DOCK6: variants seen among roughly 807,000 people sequenced by gnomAD.
The protein encoded by DOCK6 is dedicator of cytokinesis 6.
In DOCK6, 167 loss-of-function variants were observed where a neutral mutation model predicts 230.3. The observed-to-expected ratio is 0.73, with a 90% CI of 0.64 to 0.82. The LOEUF (loss-of-function observed/expected upper bound fraction) is 0.82, where lower values mean the gene tolerates loss of function less well. Among genes scored for constraint, DOCK6 ranks in the 40% least tolerant of loss-of-function variants. DOCK6 has a pLI of 0.00. For missense variants in DOCK6, 2,598 were observed against 2,825.8 expected, an observed-to-expected ratio of 0.92 and a Z score of 1.83; for synonymous variants, 1,148 against 1,185.0, an observed-to-expected ratio of 0.97 and a Z score of 0.64.
intron 1 of DOCK6, among the ~76,000 whole-genome samples, chr19:11,256,334 G>GA (rs1254339637): frequency 1.2e-4 from 18 of 152,220 alleles, no homozygotes; most frequent in African/African-American, 3.9e-4. Context: ...CCAGAGGAGG[G>GA]AGAGGGGAGG....
In DOCK6 at chr19:11,229,014, G is replaced by C; in HGVS notation, c.2740C>G (p.Leu914Val). The change falls in exon 23 of 48, where the codon CTG (leucine) becomes GTG (valine). Residue 914 changes from leucine (L) to valine (V), a missense_variant. By Grantham distance (32) the Leu-to-Val change is conservative. Coordinates refer to ENST00000294618, the MANE Select transcript of DOCK6 (RefSeq NM_020812.4). Reference sequence around the variant, plus strand: ...GCACTGCTGCTGACCACCCACTGCAGAGCCAGCTCCTCGTGAAGCAGCTGG... The same window carrying C: ...GCACTGCTGCTGACCACCCACTGCACAGCCAGCTCCTCGTGAAGCAGCTGG... ...ASKLLHEELALQWVVSSSAVR... is the reference protein window; with the variant it reads ...ASKLLHEELAVQWVVSSSAVR... 1 of 1,613,612 alleles carries C rather than the reference G, an allele frequency of 6.2e-7. No individual in the cohort carries two copies. The highest frequency in any genetic ancestry group is 1.1e-5 in the South Asian group (1 of 91,072).
Position 11,243,882 on chromosome 19 carries a change from A to G in DOCK6, c.1024T>C (p.Leu342=). 1 of 1,607,008 alleles carries G rather than the reference A, an allele frequency of 6.2e-7. No homozygotes were observed. ...PSPDIFLVIK[L]EKVLQQGDIS... ...TCCCCTTGCTGAAGCACCTTCTCCA[A>G]CTGCGGGGCAGATGAATGAATCCAG... The change falls in exon 10 of 48, where the codon TTG becomes CTG. Residue 342 remains leucine, a splice_region_variant and synonymous_variant. Coordinates refer to ENST00000294618, the MANE Select transcript of DOCK6 (RefSeq NM_020812.4). The surrounding 1 kb of genome is among the most constrained non-coding windows in gnomAD (Gnocchi z 6.3).
intron 32 of DOCK6, 115 bp downstream of exon 32, chr19:11,215,272 A>C: frequency 1.1e-6 from 1 of 896,094 alleles, no homozygotes; most frequent in Non-Finnish European, 1.7e-6. Flanking sequence ...AATTTTTGGT[A>C]GAGAGGGTCT....
At chr19:11,250,602 G>T (rs1352759219) in intron 6 of DOCK6, among the ~76,000 whole-genome samples, 1 of 152,122 alleles carries the variant, frequency 6.6e-6, no homozygotes, top group African/African-American at 2.4e-5. Flanking sequence ...GAGCCACCAT[G>T]CCCGGCCTAG....
In DOCK6 at chr19:11,228,505, G is replaced by C. The variant is rs565747018; in HGVS notation, c.2814+435C>G. Reference sequence around the variant, plus strand: ...CTCACCTCCCTAGGTTGTGGGGGGGGGTCTCTTGGGGCCATTTCTCAAATA... The same window carrying C: ...CTCACCTCCCTAGGTTGTGGGGGGGCGTCTCTTGGGGCCATTTCTCAAATA... On this transcript the variant is annotated intron_variant, in intron 23 of 47. Coordinates refer to ENST00000294618, the MANE Select transcript of DOCK6 (RefSeq NM_020812.4). Among the ~76,000 whole-genome samples the C allele has an allele frequency of 5.3e-5, 8 of 151,748 alleles. No homozygotes were observed. In the East Asian group the frequency reaches 1.6e-3, roughly 29 times the overall value.
At position 11,223,018 on chromosome 19, in the gene DOCK6, C is replaced by A. The variant is rs1164024807; in HGVS notation, c.3044G>T (p.Ser1015Ile). The A allele has an allele frequency of 6.2e-7, 1 of 1,613,802 alleles. No homozygotes were observed. Among genetic ancestry groups the A allele is most frequent in the South Asian group, 1.1e-5 (1 of 91,080 alleles). ...CTGCTTGTAGTGGGCCCGGACCAGG[C>A]TGAAGACAAAGCCCCGGTCCACCAG... ...LSLVDRGFVF[S>I]LVRAHYKQVA... The change falls in exon 25 of 48, where the codon AGC (serine) becomes ATC (isoleucine). Residue 1015 changes from serine to isoleucine, a missense_variant. Ser to Ile is a moderately radical substitution (Grantham distance 142). Coordinates refer to ENST00000294618, the MANE Select transcript of DOCK6 (RefSeq NM_020812.4).
chr19:11,238,574 G>A (rs2079889152), intron 14 of DOCK6: 1 of 446,930 alleles, frequency 2.2e-6, no homozygotes, highest in Non-Finnish European at 4.1e-6. Flanking sequence ...GACATTGGAG[G>A]CACTCATGGG....
At chr19:11,245,482 T>C (rs2080017141) in intron 9 of DOCK6, 81 bp downstream of exon 9, 2 of 1,379,476 alleles carry the variant, frequency 1.4e-6, no homozygotes, top group African/African-American at 1.4e-5. Flanking sequence ...CTTGGTGATG[T>C]ATCTGTCTCA....
rs749340192 is a variant in DOCK6 at position 11,227,324 on chromosome 19, C to G, written c.2955+13G>C. On this transcript the variant is annotated intron_variant, in intron 24 of 47. Transcript: ENST00000294618. Reference sequence around the variant, plus strand: ...TCAGGTTTCTTCCCACATTGAGACCCTGCATCTCTCACCTTGTGGACACGG... The same window carrying G: ...TCAGGTTTCTTCCCACATTGAGACCGTGCATCTCTCACCTTGTGGACACGG... 1 of 1,612,988 alleles carries G rather than the reference C, an allele frequency of 6.2e-7. No homozygotes were observed. Among genetic ancestry groups the G allele is most frequent in the African/African-American group, 1.3e-5 (1 of 74,922 alleles).
At chr19:11,216,827 C>G in intron 30 of DOCK6, 87 bp downstream of exon 30, 1 of 1,367,450 alleles carries the variant, frequency 7.3e-7, no homozygotes, top group Non-Finnish European at 1.0e-6. Context: ...GACAGTCCAC[C>G]CCTTCCCACT....
chr19:11,262,451 TCCCGCCGCCGCCGCCCCGGGC>T lies in DOCK6; in HGVS notation c.-32_-12del. On this transcript the variant is annotated 5_prime_UTR_variant, in exon 1 of 48. Coordinates refer to ENST00000294618, the MANE Select transcript of DOCK6 (RefSeq NM_020812.4). ...CTCGGAGGCAGCCATGGTCCTCGCG[TCCCGCCGCCGCCGCCCCGGGC>T]CCCGGCCCCGCCGCCGCCGCCGCCT... 8.4e-7 allele frequency: 1 copy of T among 1,188,276 alleles called. No homozygotes were observed. The highest frequency in any genetic ancestry group is 1.0e-6 in the Non-Finnish European group (1 of 961,794). 73.6% of individuals were successfully genotyped at this position (1,188,276 alleles called of 1,614,324 possible). A position where few individuals can be genotyped will look rare whatever the true frequency, so the allele number is the denominator to read the frequency against.
Position 11,201,201 on chromosome 19 carries a change from C to T in DOCK6, c.5689-149G>A. 9.6e-7 allele frequency: 1 copy of T among 1,036,976 alleles called. No homozygotes were observed. 64.2% of individuals were successfully genotyped at this position (1,036,976 alleles called of 1,614,324 possible). On this transcript the variant is annotated intron_variant, in intron 44 of 47. Transcript: ENST00000294618. This position sits in a 1 kb window ranked among gnomAD's most constrained non-coding sequence, Gnocchi z 4.3. The stretch of plus-strand genomic sequence containing the variant: ...AATCTGGGGGCCTTCCTGGGTCTGA[C>T]TCTGGGGGGGTCCAGCCTTGGGTCT...
At chr19:11,232,165 G>C in intron 22 of DOCK6, 2 of 1,284,816 alleles carry the variant, frequency 1.6e-6, no homozygotes, top group Non-Finnish European at 2.0e-6. Context: ...CATGAGTGCA[G>C]GGACAGGTAG....
chr19:11,237,786 G>A lies in DOCK6; in HGVS notation c.1833-7C>T. Reference sequence around the variant, plus strand: ...CTCGTAGAACTCGGGGGACCTGGCAGAATCGGGCTGGGGGATCTGCTGGGG... The same window carrying A: ...CTCGTAGAACTCGGGGGACCTGGCAAAATCGGGCTGGGGGATCTGCTGGGG... On this transcript the variant is annotated splice_polypyrimidine_tract_variant and splice_region_variant and intron_variant, in intron 16 of 47. Coordinates refer to ENST00000294618, the MANE Select transcript of DOCK6 (RefSeq NM_020812.4). 1.3e-6 allele frequency: 2 copies of A among 1,562,414 alleles called. No individual in the cohort carries two copies. The highest frequency in any genetic ancestry group is 1.7e-6 in the Non-Finnish European group (2 of 1,153,752).
Position 11,215,375 on chromosome 19 carries a change from G to A in DOCK6, c.4106+12C>T, listed in dbSNP as rs1181843332. The A allele has an allele frequency of 6.2e-7, 1 of 1,612,248 alleles. No homozygotes were observed. On this transcript the variant is annotated intron_variant, in intron 32 of 47. Coordinates refer to ENST00000294618, the MANE Select transcript of DOCK6 (RefSeq NM_020812.4). The stretch of plus-strand genomic sequence containing the variant: ...TTCTGAACTCAGCAGACACCCTCCT[G>A]CCCACACCTACTTGTCCACGCGGTC...
chr19:11,212,624 G>A (rs2079409239), intron 35 of DOCK6, among the ~76,000 whole-genome samples: 1 of 144,398 alleles, frequency 6.9e-6, no homozygotes, highest in African/African-American at 2.6e-5. Flanking sequence ...ATGCAGTGGT[G>A]CAATCTTGGC....
In DOCK6 at chr19:11,200,690, C is replaced by A; in HGVS notation, c.5939+26G>T. On this transcript the variant is annotated intron_variant, in intron 46 of 47. Transcript: ENST00000294618. The surrounding 1 kb of genome is among the most constrained non-coding windows in gnomAD (Gnocchi z 4.3). ...CTATGCAGGTTAGGCAGACACGAGA[C>A]CCCTCCTGGGGGGTTTTGCGCCTAC... The A allele has an allele frequency of 1.9e-6, 3 of 1,596,398 alleles. No individual in the cohort carries two copies. The highest frequency in any genetic ancestry group is 2.6e-6 in the Non-Finnish European group (3 of 1,171,568).
chr19:11,261,049 G>A (rs866877327), intron 1 of DOCK6, among the ~76,000 whole-genome samples: 90 of 151,838 alleles, frequency 5.9e-4, no homozygotes, highest in African/African-American at 2.0e-3. Context: ...CAGCCATTAC[G>A]CCCCAGCCAC....
chr19:11,215,146 C>T (rs918173638), intron 32 of DOCK6, among the ~76,000 whole-genome samples: 4 of 152,036 alleles, frequency 2.6e-5, no homozygotes, highest in African/African-American at 7.3e-5. Flanking sequence ...AAGGTTTCAC[C>T]GTTAGCCAGG....
Sources: allele counts gnomAD v4.1 joint callset (sites outside exome capture counted in the v4.1 genomes callset), GRCh38; gene constraint gnomAD v4.1.1; non-coding constraint Gnocchi (gnomAD v3.1); transcripts MANE v1.5; gene names NCBI Gene and HGNC (gene_info 2026-07-23, HGNC 2026-07-21).